The following INPP4A variants were observed in gnomAD, a reference collection of about 807,000 sequenced individuals.
INPP4A encodes the protein inositol polyphosphate-4-phosphatase type I A, also known as inositol polyphosphate-4-phosphatase, type I, 107kD.
Under a neutral mutation model 119.8 loss-of-function variants are expected in INPP4A, and 33 were observed. The ratio of observed to expected loss-of-function variants is 0.28; its 90% CI spans 0.21 to 0.37. INPP4A has a LOEUF of 0.37. INPP4A is among the 10% of genes least tolerant of loss of function. INPP4A has a pLI of 1.00. For synonymous variants in INPP4A, 496 were observed against 500.7 expected (o/e 0.99, Z 0.12); for missense variants, 956 against 1,289.9 (o/e 0.74, Z 3.97).
chr2:98,534,486 C>T (rs1689843061), intron 5 of INPP4A, among the ~76,000 whole-genome samples: 1 of 152,114 alleles, frequency 6.6e-6, no homozygotes, highest in African/African-American at 2.4e-5. Flanking sequence ...GGGGTAGGGC[C>T]CAAGACTGCA....
chr2:98,491,481 G>A (rs566219393), intron 1 of INPP4A, among the ~76,000 whole-genome samples: 170 of 152,342 alleles, frequency 1.1e-3, no homozygotes, highest in African/African-American at 3.8e-3. Context: ...GAAGCCGCAC[G>A]TTTCCCTTGA....
At chr2:98,517,965 C>A (rs1051806766) in intron 1 of INPP4A, among the ~76,000 whole-genome samples, 1 of 152,154 alleles carries the variant, frequency 6.6e-6, no homozygotes, top group South Asian at 2.1e-4. Context: ...TTTTGGAGGA[C>A]GAATTTAGGT....
Position 98,566,035 on chromosome 2 carries a change from G to A in INPP4A, c.2286G>A (p.Gly762=). Residue 762 remains glycine (G), a synonymous_variant, in exon 21 of 25, where the codon GGG becomes GGA. Transcript: ENST00000409851. This position sits in a 1 kb window ranked among gnomAD's most constrained non-coding sequence, Gnocchi z 4.2. The part of the protein sequence containing the change: ...MLPVITGNRD[G]FNVRVPLPGP... ...TCTCTCCACCTTTCTCCAGCGACGG[G>A]TTTAACGTGCGGGTCCCTCTGCCGG... The A allele has an allele frequency of 6.2e-7, 1 of 1,606,510 alleles. No individual in the cohort carries two copies. The highest frequency in any genetic ancestry group is 8.5e-7 in the Non-Finnish European group (1 of 1,176,908).
In INPP4A at chr2:98,580,435, T is replaced by C. The variant is rs376437742; in HGVS notation, c.2786+3292T>C. 4.6e-5 allele frequency among the ~76,000 whole-genome samples: 7 copies of C among 152,358 alleles called. No individual in the cohort carries two copies. The South Asian group carries it at 6.2e-4, about 14-fold the overall frequency. On this transcript the variant is annotated intron_variant, in intron 24 of 24. Transcript: ENST00000409851. ...CCAGGGCCCATTTCAAGCTCCCATG[T>C]GGCACCATTGAACATGGAGTTGGGA...
intron 1 of INPP4A, among the ~76,000 whole-genome samples, chr2:98,517,638 T>G (rs1405865774): frequency 2.0e-5 from 3 of 152,230 alleles, no homozygotes; most frequent in African/African-American, 7.2e-5. Context: ...GGCTTTATTA[T>G]GATCATTTTG....
At chr2:98,489,061 T>C (rs1680164053) in intron 1 of INPP4A, among the ~76,000 whole-genome samples, 1 of 150,670 alleles carries the variant, frequency 6.6e-6, no homozygotes, top group Non-Finnish European at 1.5e-5. Context: ...TGTGGGGTGA[T>C]GATGGGAATA....
chr2:98,483,900 C>T (rs1354495626), intron 1 of INPP4A, among the ~76,000 whole-genome samples: 1 of 152,138 alleles, frequency 6.6e-6, no homozygotes, highest in Non-Finnish European at 1.5e-5. Context: ...CTTGCCTGAG[C>T]CTCCACCTTT....
rs541712014 is a variant in INPP4A, at chr2:98,525,850, C to T, written c.151+5119C>T. ...AACAACAACAACAAAACAAAACACT[C>T]TACCCAACTGGAACTTTTGTATATT... On this transcript the variant is annotated intron_variant, in intron 4 of 24. Coordinates refer to ENST00000409851, the MANE Select transcript of INPP4A (RefSeq NM_001134225.2). Among the ~76,000 whole-genome samples, 4 of 152,318 alleles carry T rather than the reference C, an allele frequency of 2.6e-5. No individual in the cohort carries two copies. The East Asian group carries it at 7.7e-4, about 29-fold the overall frequency.
chr2:98,553,615 A>G (rs1173099454), intron 14 of INPP4A, among the ~76,000 whole-genome samples: 1 of 151,778 alleles, frequency 6.6e-6, no homozygotes, highest in Admixed American at 6.6e-5. Flanking sequence ...ATACCTCCAC[A>G]CTCACACTCA....
intron 1 of INPP4A, among the ~76,000 whole-genome samples, chr2:98,474,454 C>A (rs1676792354): frequency 6.6e-6 from 1 of 152,230 alleles, no homozygotes; most frequent in Non-Finnish European, 1.5e-5. Context: ...ACCTGTGCTA[C>A]GAAGAGCCCT....
intron 6 of INPP4A, 79 bp from the exon 7 acceptor site, chr2:98,536,050 G>A: frequency 1.1e-6 from 1 of 895,002 alleles, no homozygotes; most frequent in Non-Finnish European, 1.8e-6. Flanking sequence ...GCAGTCAGCT[G>A]GACTCTCTGG....
chr2:98,564,093 T>C (rs1170349143), intron 18 of INPP4A, among the ~76,000 whole-genome samples: 7 of 152,180 alleles, frequency 4.6e-5, no homozygotes, highest in Admixed American at 4.6e-4. Context: ...TTGAAATGAA[T>C]GTAACAAGTT....
chr2:98,536,284 T>A (rs1690252891), intron 7 of INPP4A, 76 bp downstream of exon 7: 1 of 875,348 alleles, frequency 1.1e-6, no homozygotes, highest in Non-Finnish European at 1.9e-6. Flanking sequence ...AGGACCCACT[T>A]CTTATACTGA....
At position 98,535,862 on chromosome 2, in the gene INPP4A, T is replaced by C. The variant is rs1690167269; in HGVS notation, c.387+17T>C. ...CAGGGAACAGTTAAGTAATGTGTTG[T>C]AGTTCGTGGGATTTTCTTCCCTTTG... On this transcript the variant is annotated intron_variant, in intron 6 of 24. Transcript: ENST00000409851. The C allele has an allele frequency of 8.0e-7, 1 of 1,256,832 alleles. No individual in the cohort carries two copies. The highest frequency in any genetic ancestry group is 1.5e-5 in the African/African-American group (1 of 67,676). The allele number at this position is 1,256,832 out of a possible 1,614,324, so 77.9% of individuals were successfully genotyped here.
chr2:98,519,173 ATTATC>A (rs1267075378), intron 2 of INPP4A, 148 bp downstream of exon 2: 1 of 152,224 alleles, frequency 6.6e-6, no homozygotes, highest in Non-Finnish European at 1.5e-5. Context: ...GCTCAGTCTA[ATTATC>A]TTAACTTGTA....
At chr2:98,532,732 C>G (rs932009638) in intron 4 of INPP4A, among the ~76,000 whole-genome samples, 28 of 151,242 alleles carry the variant, frequency 1.9e-4, no homozygotes, top group African/African-American at 6.8e-4. Flanking sequence ...TGTGTTTGTT[C>G]TGGGACGTTA....
intron 10 of INPP4A, among the ~76,000 whole-genome samples, chr2:98,543,364 T>C (rs1691868595): frequency 6.6e-6 from 1 of 152,174 alleles, no homozygotes; most frequent in African/African-American, 2.4e-5. Flanking sequence ...GGCCCATACC[T>C]CAGGAGAACC....
At position 98,593,066 on chromosome 2, in the gene INPP4A, G is replaced by C. The variant is rs1284573980; in HGVS notation, c.*5458G>C. ...TGTTTTTATTAGCTGTTGCCCTCCA[G>C]GCTACGACAGGGTTCCCAGGGTGTA... On this transcript the variant is annotated 3_prime_UTR_variant, in exon 25 of 25. Coordinates refer to ENST00000409851, the MANE Select transcript of INPP4A (RefSeq NM_001134225.2). The C allele has an allele frequency of 6.6e-6, 1 of 152,274 alleles. No individual in the cohort carries two copies. Among genetic ancestry groups the C allele is most frequent in the Non-Finnish European group, 1.5e-5 (1 of 68,100 alleles). The allele number at this position is 152,274 out of a possible 1,614,324, so 9.4% of individuals were successfully genotyped here.
intron 1 of INPP4A, among the ~76,000 whole-genome samples, chr2:98,477,707 G>T (rs1265700717): frequency 3.3e-5 from 5 of 152,228 alleles, no homozygotes; most frequent in African/African-American, 1.2e-4. Context: ...GAGTCCAGGA[G>T]TCTGATGAAC....
Sources: gnomAD v4.1 joint callset for allele counts (sites outside exome capture counted in the v4.1 genomes callset) on GRCh38, gnomAD v4.1.1 for gene constraint, Gnocchi (gnomAD v3.1) non-coding constraint, MANE v1.5 for transcripts, NCBI Gene and HGNC (gene_info 2026-07-23, HGNC 2026-07-21) for gene names.